The following SAMD13 variants were observed in gnomAD, a reference collection of about 807,000 sequenced individuals.
The protein encoded by SAMD13 is sterile alpha motif domain-containing protein 13.
In SAMD13, 9 loss-of-function variants were observed where a neutral mutation model predicts 12.4. The observed-to-expected ratio is 0.72, with a 90% CI of 0.44 to 1.26. SAMD13 has a LOEUF of 1.26. Among genes scored for constraint, SAMD13 ranks in the 50% most tolerant of loss-of-function variants. SAMD13 has a pLI of 0.00. For synonymous variants in SAMD13, 46 were observed against 45.4 expected (o/e 1.01, Z -0.05); for missense variants, 84 against 119.6 (o/e 0.70, Z 1.39).
chr1:84,327,949 T>C (rs890018611), intron 3 of SAMD13, among the ~76,000 whole-genome samples: 2 of 152,240 alleles, frequency 1.3e-5, no homozygotes, highest in African/African-American at 4.8e-5. Context: ...TGTTTTTCAC[T>C]GGTACAATGT....
intron 1 of SAMD13, among the ~76,000 whole-genome samples, chr1:84,302,337 CTTTT>C (rs34069417): frequency 8.9e-5 from 11 of 123,144 alleles, no homozygotes; most frequent in Admixed American, 4.0e-4. Context: ...CTGTTTCTTC[CTTTT>C]TTTTTTTTTT....
rs536355603 is a variant in SAMD13 at position 84,304,605 on chromosome 1, C to T, written c.53+1318C>T. 3.9e-5 allele frequency among the ~76,000 whole-genome samples: 6 copies of T among 152,250 alleles called. 1 individual carries two copies. Among genetic ancestry groups the T allele is most frequent in the South Asian group, 2.1e-4 (1 of 4,830 alleles). On this transcript the variant is annotated intron_variant, in intron 2 of 3. Transcript: ENST00000394834. ...GAAACTACTGCCACAATTAAGATGA[C>T]AAATATTTCCATCACTTCCAAAATT...
chr1:84,335,637 G>T (rs978472554), intron 3 of SAMD13, among the ~76,000 whole-genome samples: 2 of 152,202 alleles, frequency 1.3e-5, no homozygotes, highest in African/African-American at 4.8e-5. Flanking sequence ...GACTTATAGT[G>T]TCAGTGGGTC....
At chr1:84,306,381 C>A (rs2101787721) in intron 2 of SAMD13, among the ~76,000 whole-genome samples, 1 of 152,240 alleles carries the variant, frequency 6.6e-6, no homozygotes, top group African/African-American at 2.4e-5. Flanking sequence ...GATTACACCA[C>A]ATTTTGTAAC....
chr1:84,343,725 G>A (rs760575976), intron 3 of SAMD13, among the ~76,000 whole-genome samples: 2 of 152,124 alleles, frequency 1.3e-5, no homozygotes, highest in Non-Finnish European at 2.9e-5. Context: ...GGGAGAAGGA[G>A]AGCATTAGGA....
chr1:84,330,055 A>C (rs555211943), intron 3 of SAMD13, among the ~76,000 whole-genome samples: 29 of 152,188 alleles, frequency 1.9e-4, no homozygotes, highest in Middle Eastern at 6.8e-3. Flanking sequence ...TGTGGGGGCT[A>C]TTTTCCCAAG....
In SAMD13 at chr1:84,349,708, T is replaced by G; in HGVS notation, c.243T>G (p.Ala81=). Residue 81 remains alanine, a synonymous_variant, in exon 4 of 4, where the codon GCT becomes GCG. Transcript: ENST00000394834. The stretch of plus-strand genomic sequence containing the variant: ...GACTTCAGTTAAAATTGGGGCCTGC[T>G]CTGAAAATCTACGAATATCATGTAA... ...LTGLQLKLGP[A]LKIYEYHVKP... 1 of 1,613,982 alleles carries G rather than the reference T, an allele frequency of 6.2e-7. No homozygotes were observed. The highest frequency in any genetic ancestry group is 8.5e-7 in the Non-Finnish European group (1 of 1,179,890).
At chr1:84,313,365 G>A (rs1296978290) in intron 2 of SAMD13, among the ~76,000 whole-genome samples, 2 of 151,978 alleles carry the variant, frequency 1.3e-5, no homozygotes, top group Non-Finnish European at 2.9e-5. Flanking sequence ...TCTTATCATT[G>A]ATCTGTGTTT....
At chr1:84,342,820 C>A (rs1474292504) in intron 3 of SAMD13, among the ~76,000 whole-genome samples, 1 of 152,148 alleles carries the variant, frequency 6.6e-6, no homozygotes, top group Non-Finnish European at 1.5e-5. Context: ...ACGAAAACAT[C>A]AAAAGCAATT....
At chr1:84,324,682 G>A (rs1679018257) in intron 2 of SAMD13, among the ~76,000 whole-genome samples, 1 of 152,160 alleles carries the variant, frequency 6.6e-6, no homozygotes, top group Non-Finnish European at 1.5e-5. Flanking sequence ...GTGATTGGAT[G>A]TACACTCTGG....
chr1:84,331,088 T>C (rs562259859), intron 3 of SAMD13, among the ~76,000 whole-genome samples: 31 of 152,212 alleles, frequency 2.0e-4, no homozygotes, highest in Admixed American at 1.2e-3. Context: ...CTGAAGTCAC[T>C]GGCTTAATAA....
At chr1:84,345,561 T>C (rs968685268) in intron 3 of SAMD13, among the ~76,000 whole-genome samples, 1 of 152,210 alleles carries the variant, frequency 6.6e-6, no homozygotes, top group African/African-American at 2.4e-5. Context: ...ACCACAAATA[T>C]GGCCTTCCCA....
At position 84,349,796 on chromosome 1, in the gene SAMD13, G is replaced by A. The variant is rs371808753; in HGVS notation, c.*22G>A. 3.6e-5 allele frequency: 57 copies of A among 1,586,636 alleles called. No homozygotes were observed. In the African/African-American group the frequency reaches 6.5e-4, roughly 18 times the overall value. On this transcript the variant is annotated 3_prime_UTR_variant, in exon 4 of 4. Transcript: ENST00000394834. Reference sequence around the variant, plus strand: ...ATAGTACAGTCAAATTGGGGTCTTCGACCTCAAAAAATACATAATGACATA... The same window carrying A: ...ATAGTACAGTCAAATTGGGGTCTTCAACCTCAAAAAATACATAATGACATA...
chr1:84,338,627 A>G (rs1325585269), intron 3 of SAMD13, among the ~76,000 whole-genome samples: 1 of 151,864 alleles, frequency 6.6e-6, no homozygotes, highest in African/African-American at 2.4e-5. Flanking sequence ...TAGTAGAGAC[A>G]GGGTTTCACC....
At position 84,349,733 on chromosome 1, in the gene SAMD13, A is replaced by G; in HGVS notation, c.268A>G (p.Lys90Glu). Residue 90 changes from lysine (K) to glutamate (E), a missense_variant, in exon 4 of 4, where the codon AAA becomes GAA. Physicochemically the swap from Lys to Glu is moderately conservative, Grantham distance 56. Transcript: ENST00000394834. ...PALKIYEYHV[K>E]PLQTKHLKNN... ...TCTGAAAATCTACGAATATCATGTA[A>G]AACCTCTGCAGACAAAGCATTTAAA... 1.2e-6 allele frequency: 2 copies of G among 1,613,982 alleles called. No individual in the cohort carries two copies. The highest frequency in any genetic ancestry group is 2.2e-5 in the East Asian group (1 of 44,850).
chr1:84,298,544 C>G (rs1678362606), upstream of SAMD13: 1 of 1,265,908 alleles, frequency 7.9e-7, no homozygotes, highest in Non-Finnish European at 1.0e-6. Context: ...CGGGGCAAAC[C>G]TCCCGGCGCG....
chr1:84,304,313 C>T (rs1446624556), intron 2 of SAMD13: 1 of 152,088 alleles, frequency 6.6e-6, no homozygotes, highest in Non-Finnish European at 1.5e-5. Context: ...GAAACAGATG[C>T]TGTTTTATGT....
chr1:84,299,657 GTATATATATA>G, upstream of SAMD13: 1 of 676,744 alleles, frequency 1.5e-6, no homozygotes, highest in Non-Finnish European at 2.1e-6. Context: ...GAGTACTAGT[GTATATATATA>G]TATATATATT....
At chr1:84,338,167 G>A (rs1041766905) in intron 3 of SAMD13, among the ~76,000 whole-genome samples, 9 of 152,062 alleles carry the variant, frequency 5.9e-5, no homozygotes, top group African/African-American at 1.7e-4. Flanking sequence ...CAGTTTCAAA[G>A]TCACTTCCAC....
Sources: allele counts gnomAD v4.1 joint callset (sites outside exome capture counted in the v4.1 genomes callset), GRCh38; gene constraint gnomAD v4.1.1; transcripts MANE v1.5; gene names NCBI Gene and HGNC (gene_info 2026-07-23, HGNC 2026-07-21).